The following OGDHL variants were observed in gnomAD, a reference collection of about 807,000 sequenced individuals.
OGDHL encodes 2-oxoglutarate dehydrogenase-like, mitochondrial.
OGDHL carries 79 observed loss-of-function variants against 109.6 expected under a neutral mutation model. The ratio of observed to expected loss-of-function variants is 0.72; its 90% CI spans 0.60 to 0.87. The LOEUF (loss-of-function observed/expected upper bound fraction) is 0.87. Among genes scored for constraint, OGDHL ranks in the 40% least tolerant of loss-of-function variants. OGDHL has a pLI of 0.00. For missense variants in OGDHL, 1,275 were observed against 1,362.2 expected, an observed-to-expected ratio of 0.94 and a Z score of 1.01; for synonymous variants, 528 against 537.2, an observed-to-expected ratio of 0.98 and a Z score of 0.24.
chr10:49,740,154 G>A (rs1841538740), intron 16 of OGDHL, among the ~76,000 whole-genome samples: 1 of 152,138 alleles, frequency 6.6e-6, no homozygotes, highest in African/African-American at 2.4e-5. Flanking sequence ...AAGGAGAAGG[G>A]GCAGAAACAG....
At chr10:49,757,791 G>A (rs1312686788) in intron 2 of OGDHL, among the ~76,000 whole-genome samples, 1 of 152,210 alleles carries the variant, frequency 6.6e-6, no homozygotes, top group African/African-American at 2.4e-5. Context: ...CGTAAAGGGA[G>A]ACAAATCCAG....
rs1329195190 is a variant in OGDHL at position 49,735,371 on chromosome 10, C to G, written c.2910-20G>C. The G allele has an allele frequency of 6.2e-7, 1 of 1,609,766 alleles. No individual in the cohort carries two copies. The highest frequency in any genetic ancestry group is 1.1e-5 in the South Asian group (1 of 90,364). On this transcript the variant is annotated intron_variant, in intron 22 of 22. Transcript: ENST00000374103. The stretch of plus-strand genomic sequence containing the variant: ...ACATACCTGGAGGAGGAGAGACAAG[C>G]TAAGGGGAAGGCGGGGCCTAGCCGC...
intron 17 of OGDHL, chr10:49,738,515 C>A: frequency 1.9e-6 from 1 of 538,838 alleles, no homozygotes. Flanking sequence ...AAAGCCCGCA[C>A]TGAGACGTGC....
At chr10:49,752,310 G>A in intron 4 of OGDHL, 62 bp from the exon 5 acceptor site, 1 of 1,244,224 alleles carries the variant, frequency 8.0e-7, no homozygotes, top group Non-Finnish European at 1.2e-6. Context: ...GTCAGGCCCA[G>A]GTGGAGCCCC....
chr10:49,759,416 C>A (rs907522686), intron 1 of OGDHL, among the ~76,000 whole-genome samples: 1 of 152,020 alleles, frequency 6.6e-6, no homozygotes, highest in Non-Finnish European at 1.5e-5. Context: ...CCAGGCCCTG[C>A]AGCTCATCTC....
At position 49,756,825 on chromosome 10, in the gene OGDHL, T is replaced by C; in HGVS notation, c.326A>G (p.Lys109Arg). The change falls in exon 3 of 23, where the codon AAA (lysine) becomes AGA (arginine). Residue 109 changes from lysine (K) to arginine (R), a missense_variant. Coordinates refer to ENST00000374103, the MANE Select transcript of OGDHL (RefSeq NM_018245.3). ...SAVSSRTKTS[K>R]LVEDHLAVQS... ...CACAGCCAGGTGGTCCTCCACCAATTTGCTGGTCTTGGTCCGACTTGAGAC... is the reference window on the plus strand; with the variant it reads ...CACAGCCAGGTGGTCCTCCACCAATCTGCTGGTCTTGGTCCGACTTGAGAC... 1 of 1,614,012 alleles carries C rather than the reference T, an allele frequency of 6.2e-7. No homozygotes were observed. Among genetic ancestry groups the C allele is most frequent in the Non-Finnish European group, 8.5e-7 (1 of 1,179,934 alleles).
At chr10:49,761,838 C>T (rs944613821) in intron 1 of OGDHL, among the ~76,000 whole-genome samples, 1 of 152,236 alleles carries the variant, frequency 6.6e-6, no homozygotes, top group Admixed American at 6.5e-5. Flanking sequence ...TAGTCCGAAG[C>T]TGCCTATGGG....
rs1554817874 is a variant in OGDHL at position 49,741,976 on chromosome 10, C to CACACT, written c.2012+851_2012+852insAGTGT. Among the ~76,000 whole-genome samples the CACACT allele has an allele frequency of 2.8e-5, 4 of 144,464 alleles. No individual in the cohort carries two copies. In the South Asian group the frequency reaches 6.9e-4, roughly 25 times the overall value. 94.8% of individuals were successfully genotyped at this position (144,464 alleles called of 152,430 possible). A position where few individuals can be genotyped will look rare whatever the true frequency, so the allele number is the denominator to read the frequency against. ...CACCACACACACTACATACACTACA[C>CACACT]ACACACAACCACACACACCCCACAA... On this transcript the variant is annotated intron_variant, in intron 15 of 22. Transcript: ENST00000374103.
rs371798276 is a variant in OGDHL at position 49,758,546 on chromosome 10, G to A, written c.47C>T (p.Ala16Val). The change falls in exon 2 of 23, where the codon GCG (alanine) becomes GTG (valine). Residue 16 changes from alanine (A) to valine (V), a missense_variant. Transcript: ENST00000374103. ...LLPSRLGVQA[A>V]RLLAAHDVPV... The stretch of plus-strand genomic sequence containing the variant: ...GACGTCATGTGCAGCCAGGAGCCTC[G>A]CAGCCTGTACCCCAAGACGGGACGG... The A allele has an allele frequency of 3.1e-6, 5 of 1,613,720 alleles. No homozygotes were observed. The highest frequency in any genetic ancestry group is 4.5e-5 in the East Asian group (2 of 44,888).
rs1205122763 is a variant in OGDHL, at chr10:49,736,134, T to G, written c.2798A>C (p.Lys933Thr). 2 of 1,610,226 alleles carry G rather than the reference T, an allele frequency of 1.2e-6. No homozygotes were observed. The highest frequency in any genetic ancestry group is 1.7e-6 in the Non-Finnish European group (2 of 1,178,146). The change falls in exon 22 of 23, where the codon AAG (lysine) becomes ACG (threonine). Residue 933 changes from lysine to threonine, a missense_variant. Physicochemically the swap from Lys to Thr is moderately conservative, Grantham distance 78 (BLOSUM62 -1). Coordinates refer to ENST00000374103, the MANE Select transcript of OGDHL (RefSeq NM_018245.3). ...CCAGGCCAGCTCCGCACCTGGGTAC[T>G]TCTCTGCCTCCTGCTTGATCAGGTC... ...PFDLIKQEAE[K>T]YPGAELAWCQ... is the part of the protein sequence containing the mutation.
At chr10:49,756,718 C>T (rs1278844458) in intron 3 of OGDHL, 58 bp downstream of exon 3, 1 of 1,522,816 alleles carries the variant, frequency 6.6e-7, no homozygotes, top group Non-Finnish European at 8.8e-7. Context: ...CCTTCAGTGC[C>T]TGGCCACACC....
intron 1 of OGDHL, 71 bp from the exon 2 acceptor site, chr10:49,758,664 G>A (rs1201326505): frequency 6.8e-7 from 1 of 1,476,966 alleles, no homozygotes. Flanking sequence ...CCAAGCCACT[G>A]TCCGCTCATC....
rs773025804 is a variant in OGDHL, at chr10:49,740,746, C to T, written c.2104G>A (p.Val702Met). The T allele has an allele frequency of 2.2e-5, 35 of 1,613,742 alleles. No individual in the cohort carries two copies. The highest frequency in any genetic ancestry group is 2.7e-5 in the African/African-American group (2 of 74,926). ...HLWPDQAPYTVCNSSLSEYGV... is the reference protein window; with the variant it reads ...HLWPDQAPYTMCNSSLSEYGV... ...TACTCCGAGAGGGAGCTGTTGCACA[C>T]GGTGTACGGGGCCTGGTCAGGCCAG... The change falls in exon 16 of 23, where the codon GTG becomes ATG. Residue 702 changes from valine to methionine, a missense_variant. Coordinates refer to ENST00000374103, the MANE Select transcript of OGDHL (RefSeq NM_018245.3).
intron 8 of OGDHL, among the ~76,000 whole-genome samples, chr10:49,748,850 A>G (rs1475266751): frequency 6.6e-6 from 1 of 152,080 alleles, no homozygotes; most frequent in Non-Finnish European, 1.5e-5. Context: ...GGAGGGAGTG[A>G]CAGGCTCACT....
At chr10:49,756,591 G>A (rs1421072581) in intron 3 of OGDHL, 185 bp downstream of exon 3, 1 of 541,142 alleles carries the variant, frequency 1.8e-6, no homozygotes, top group Non-Finnish European at 3.1e-6. Context: ...ATTCAAGCAG[G>A]TGGTAAGTGC....
intron 14 of OGDHL, 123 bp from the exon 15 acceptor site, chr10:49,743,101 G>C: frequency 7.7e-7 from 1 of 1,305,946 alleles, no homozygotes; most frequent in Non-Finnish European, 1.0e-6. Flanking sequence ...TTGGAGGGCA[G>C]GGATGCTGCA....
Position 49,747,014 on chromosome 10 carries a change from C to G in OGDHL, c.1167+15G>C. ...GAAGGGCCCAGGTCCTCTGGGTTCC[C>G]CCAGGTGAGCTCACCTTCTTGCCCT... On this transcript the variant is annotated intron_variant, in intron 9 of 22. Coordinates refer to ENST00000374103, the MANE Select transcript of OGDHL (RefSeq NM_018245.3). The G allele has an allele frequency of 6.2e-7, 1 of 1,613,146 alleles. No homozygotes were observed. Among genetic ancestry groups the G allele is most frequent in the Non-Finnish European group, 8.5e-7 (1 of 1,179,332 alleles).
intron 1 of OGDHL, among the ~76,000 whole-genome samples, chr10:49,758,848 T>A (rs1230378397): frequency 1.3e-5 from 2 of 151,960 alleles, no homozygotes; most frequent in Admixed American, 1.3e-4. Flanking sequence ...GCCACACTCA[T>A]CCCAGACCAC....
At chr10:49,755,134 C>T (rs111721467) in intron 3 of OGDHL, among the ~76,000 whole-genome samples, 1 of 152,306 alleles carries the variant, frequency 6.6e-6, no homozygotes, top group Non-Finnish European at 1.5e-5. Flanking sequence ...ATCCCAGCTA[C>T]TCAGGAGGCT....
Sources: allele counts gnomAD v4.1 joint callset (sites outside exome capture counted in the v4.1 genomes callset), GRCh38; gene constraint gnomAD v4.1.1; transcripts MANE v1.5; gene names NCBI Gene and HGNC (gene_info 2026-07-23, HGNC 2026-07-21).